TENM1: variants seen among roughly 807,000 people sequenced by gnomAD.
TENM1 encodes the protein teneurin transmembrane protein 1.
TENM1 carries 35 observed loss-of-function variants against 174.8 expected under a neutral mutation model. The ratio of observed to expected loss-of-function variants is 0.20; its 90% CI spans 0.15 to 0.27. The LOEUF is 0.27. TENM1 is among the 10% of genes least tolerant of loss of function. The probability of loss-of-function intolerance (pLI) is 1.00; values close to 1 mark genes in which losing one functional copy is unlikely to be tolerated. For missense variants in TENM1, 1,633 were observed against 2,130.1 expected (o/e 0.77, Z 4.59); for synonymous variants, 781 against 798.7 (o/e 0.98, Z 0.37).
chrX:124,729,402 A>ACT (rs1477169446), intron 4 of TENM1, among the ~76,000 whole-genome samples: 1 of 112,407 alleles, frequency 8.9e-6, no homozygotes, highest in African/African-American at 3.2e-5. Flanking sequence ...TTGACACAAA[A>ACT]CAAACAGGGA....
the TENM1 span, among the ~76,000 whole-genome samples, chrX:125,146,951 G>C: frequency 9.1e-5 from 10 of 110,130 alleles, no homozygotes; most frequent in African/African-American, 3.0e-4. Context: ...TTTTTTCCAC[G>C]TTTGTATTTT....
chrX:124,399,768 A>G (rs1480991998), intron 27 of TENM1, among the ~76,000 whole-genome samples: 1 of 110,999 alleles, frequency 9.0e-6, no homozygotes, highest in African/African-American at 3.3e-5. Context: ...GGAGTTCAAG[A>G]CCAGCCTGGG....
chrX:124,727,334 A>T (rs1394114109), intron 4 of TENM1, among the ~76,000 whole-genome samples: 8 of 112,369 alleles, frequency 7.1e-5, no homozygotes, highest in African/African-American at 2.6e-4. Flanking sequence ...CTGAAAAAAT[A>T]ATTACCATCT....
intron 19 of TENM1, among the ~76,000 whole-genome samples, chrX:124,502,232 A>G (rs1446360910): frequency 1.8e-5 from 2 of 110,319 alleles, no homozygotes; most frequent in Non-Finnish European, 3.8e-5. Flanking sequence ...TTTGATGCCT[A>G]TTACCTAAAA....
chrX:125,093,582 G>A, the TENM1 span, among the ~76,000 whole-genome samples: 8 of 110,980 alleles, frequency 7.2e-5, no homozygotes, highest in South Asian at 3.8e-4. Context: ...CATTTACAGC[G>A]TATATATGAC....
chrX:124,809,686 G>A (rs993777191), intron 3 of TENM1, among the ~76,000 whole-genome samples: 4 of 110,763 alleles, frequency 3.6e-5, no homozygotes, highest in East Asian at 5.7e-4. Flanking sequence ...TAATCCTCAC[G>A]CTGCTATAAA....
intron 22 of TENM1, among the ~76,000 whole-genome samples, chrX:124,474,735 GC>G (rs773937523): frequency 3.7e-4 from 41 of 111,221 alleles, no homozygotes; most frequent in Non-Finnish European, 6.8e-4. Context: ...ATAATCTAAG[GC>G]CAAAATCTTT....
the TENM1 span, among the ~76,000 whole-genome samples, chrX:125,178,755 A>G: frequency 3.6e-5 from 4 of 111,445 alleles, no homozygotes; most frequent in East Asian, 1.1e-3. Flanking sequence ...GATGATTGCC[A>G]CCTATGAGCA....
intron 11 of TENM1, among the ~76,000 whole-genome samples, chrX:124,589,512 C>T (rs1232947135): frequency 1.8e-5 from 2 of 110,713 alleles, no homozygotes; most frequent in Non-Finnish European, 3.8e-5. Flanking sequence ...CTTCTTTGTA[C>T]ACTGGTAGAA....
chrX:124,750,936 A>C (rs1194872618), intron 3 of TENM1, among the ~76,000 whole-genome samples: 1 of 112,628 alleles, frequency 8.9e-6, no homozygotes, highest in Non-Finnish European at 1.9e-5. Flanking sequence ...TTTTATTTGT[A>C]AGTCCGATTC....
intron 15 of TENM1, among the ~76,000 whole-genome samples, chrX:124,531,633 T>A (rs979400367): frequency 8.9e-6 from 1 of 112,488 alleles, no homozygotes; most frequent in Admixed American, 9.4e-5. Context: ...AGTGGCTTTT[T>A]TCCAGTGAGC....
intron 25 of TENM1, among the ~76,000 whole-genome samples, chrX:124,411,333 G>T (rs1292042966): frequency 9.0e-6 from 1 of 110,766 alleles, no homozygotes; most frequent in African/African-American, 3.3e-5. Flanking sequence ...GTTTGTGTGT[G>T]TGTATGTGTG....
chrX:124,974,503 T>TG, the TENM1 span, among the ~76,000 whole-genome samples: 2 of 111,847 alleles, frequency 1.8e-5, no homozygotes, highest in Admixed American at 1.9e-4. Context: ...CAAGGTGTTT[T>TG]GGCAGGCTCT....
intron 18 of TENM1, among the ~76,000 whole-genome samples, chrX:124,510,635 A>AAGTC (rs1319512462): frequency 8.9e-6 from 1 of 111,812 alleles, no homozygotes; most frequent in Non-Finnish European, 1.9e-5. Context: ...TTTGGAAAAT[A>AAGTC]AGTCACATGG....
At chrX:124,509,631 G>A (rs893472427) in intron 18 of TENM1, among the ~76,000 whole-genome samples, 3 of 110,667 alleles carry the variant, frequency 2.7e-5, no homozygotes, top group Non-Finnish European at 3.8e-5. Flanking sequence ...TGAAGCACTG[G>A]AGATATACTG....
the TENM1 span, among the ~76,000 whole-genome samples, chrX:125,123,555 G>A: frequency 9.0e-6 from 1 of 111,729 alleles, no homozygotes; most frequent in Admixed American, 9.5e-5. Context: ...GCTGCAGTCA[G>A]CTATGATCAC....
the TENM1 span, among the ~76,000 whole-genome samples, chrX:125,185,253 G>T: frequency 3.8e-4 from 43 of 112,215 alleles, no homozygotes; most frequent in Admixed American, 4.1e-3. Flanking sequence ...TTGATATGGA[G>T]AAATATTTAT....
intron 11 of TENM1, among the ~76,000 whole-genome samples, chrX:124,590,974 A>G (rs2049723180): frequency 8.9e-6 from 1 of 112,143 alleles, no homozygotes; most frequent in Non-Finnish European, 1.9e-5. Flanking sequence ...ACCCTTTATC[A>G]TTATGTAATG....
At chrX:124,840,712 G>C (rs1255404083) in intron 3 of TENM1, among the ~76,000 whole-genome samples, 1 of 111,730 alleles carries the variant, frequency 9.0e-6, no homozygotes, top group Non-Finnish European at 1.9e-5. Context: ...GTTTTCGTTA[G>C]GTTAATCAGA....
Sources: allele counts gnomAD v4.1 joint callset (sites outside exome capture counted in the v4.1 genomes callset), GRCh38; gene constraint gnomAD v4.1.1; transcripts MANE v1.5; gene names NCBI Gene and HGNC (gene_info 2026-07-23, HGNC 2026-07-21).